Variants in RAPGEF1 observed in about 807,000 individuals in gnomAD.
RAPGEF1 encodes CRK SH3-binding GNRP.
In RAPGEF1, 33 loss-of-function variants were observed where a neutral mutation model predicts 143.3. The ratio of observed to expected loss-of-function variants is 0.23; its 90% CI spans 0.17 to 0.31. The LOEUF (loss-of-function observed/expected upper bound fraction) is 0.31, where lower values mean the gene tolerates loss of function less well. Among genes scored for constraint, RAPGEF1 ranks in the 10% least tolerant of loss-of-function variants. The pLI is 1.00. For synonymous variants in RAPGEF1, 629 were observed against 676.5 expected, an observed-to-expected ratio of 0.93 and a Z score of 1.09; for missense variants, 1,199 against 1,645.4, an observed-to-expected ratio of 0.73 and a Z score of 4.69.
intron 15 of RAPGEF1, 190 bp from the exon 16 acceptor site, chr9:131,598,500 G>A (rs1396007182): frequency 1.1e-5 from 8 of 696,174 alleles, no homozygotes; most frequent in Non-Finnish European, 1.8e-5. Flanking sequence ...TAGGACAGTC[G>A]CTGCTGCCTC....
chr9:131,586,299 C>T (rs1410837329), intron 22 of RAPGEF1, among the ~76,000 whole-genome samples: 13 of 137,988 alleles, frequency 9.4e-5, no homozygotes, highest in African/African-American at 3.4e-4. Context: ...CAGAGCCAGA[C>T]TCCGTCTCAA....
chr9:131,644,714 C>T (rs1969063211), intron 3 of RAPGEF1, among the ~76,000 whole-genome samples: 2 of 152,226 alleles, frequency 1.3e-5, no homozygotes, highest in Non-Finnish European at 2.9e-5. Flanking sequence ...CCTATAATCC[C>T]AGCACTTTGG....
chr9:131,706,349 G>A (rs903277302), intron 1 of RAPGEF1, among the ~76,000 whole-genome samples: 1 of 151,854 alleles, frequency 6.6e-6, no homozygotes, highest in Non-Finnish European at 1.5e-5. Context: ...TGCAACCTCC[G>A]CCTCCTAGGT....
At chr9:131,687,935 C>T (rs1833487706) in intron 1 of RAPGEF1, among the ~76,000 whole-genome samples, 1 of 152,110 alleles carries the variant, frequency 6.6e-6, no homozygotes, top group African/African-American at 2.4e-5. Flanking sequence ...AGTGTGTTAC[C>T]CACGTGAAGA....
intron 25 of RAPGEF1, among the ~76,000 whole-genome samples, chr9:131,582,258 A>G (rs962714073): frequency 8.5e-5 from 13 of 152,142 alleles, no homozygotes; most frequent in Admixed American, 6.6e-5. Flanking sequence ...GTGTGGGGAG[A>G]GGAGCCATAC....
chr9:131,701,856 T>G (rs1243889486), intron 1 of RAPGEF1, among the ~76,000 whole-genome samples: 1 of 152,232 alleles, frequency 6.6e-6, no homozygotes, highest in East Asian at 1.9e-4. Flanking sequence ...AGATTTTTAC[T>G]CTTCTCTTCT....
rs1430758682 is a variant in RAPGEF1 at position 131,602,146 on chromosome 9, G to T, written c.2416C>A (p.Pro806Thr). 1 of 1,583,776 alleles carries T rather than the reference G, an allele frequency of 6.3e-7. No individual in the cohort carries two copies. Among genetic ancestry groups the T allele is most frequent in the Admixed American group, 1.8e-5 (1 of 55,200 alleles). The change falls in exon 15 of 27, where the codon CCA (proline) becomes ACA (threonine). Residue 806 changes from proline (P) to threonine (T), a missense_variant. Transcript: ENST00000683357. ...SEELAPSRGE[P>T]PAGKDGHPRD... ...GGATGTCCGTCTTTCCCAGCCGGTG[G>T]CTCCTGGAAAGAGGAGTGGGTGCTG...
At position 131,583,194 on chromosome 9, in the gene RAPGEF1, G is replaced by T. The variant is rs1461464781; in HGVS notation, c.3415-492C>A. On this transcript the variant is annotated intron_variant, in intron 24 of 26. Coordinates refer to ENST00000683357, the MANE Select transcript of RAPGEF1 (RefSeq NM_001377935.1). This position sits in a 1 kb window ranked among gnomAD's most constrained non-coding sequence, Gnocchi z 4.7. Reference sequence around the variant, plus strand: ...TGGGTGGCTTCTCTCCTGCAGGGGTGGGGGGCTCCCACCTAGGAGACTCAG... The same window carrying T: ...TGGGTGGCTTCTCTCCTGCAGGGGTTGGGGGCTCCCACCTAGGAGACTCAG... Among the ~76,000 whole-genome samples the T allele has an allele frequency of 3.3e-5, 5 of 152,098 alleles. No individual in the cohort carries two copies. The highest frequency in any genetic ancestry group is 6.5e-5 in the Admixed American group (1 of 15,274).
intron 1 of RAPGEF1, among the ~76,000 whole-genome samples, chr9:131,653,965 G>T (rs976084962): frequency 6.6e-6 from 1 of 152,172 alleles, no homozygotes; most frequent in African/African-American, 2.4e-5. Flanking sequence ...AATTAAGTAC[G>T]GATCAGCTAC....
intron 4 of RAPGEF1, among the ~76,000 whole-genome samples, chr9:131,639,250 C>G (rs1023158353): frequency 6.6e-6 from 1 of 152,134 alleles, no homozygotes; most frequent in Non-Finnish European, 1.5e-5. Flanking sequence ...TTTTAACAGT[C>G]ATGAGCTCAA....
intron 1 of RAPGEF1, among the ~76,000 whole-genome samples, chr9:131,660,022 G>T (rs1236303644): frequency 2.6e-5 from 4 of 152,090 alleles, no homozygotes; most frequent in Non-Finnish European, 5.9e-5. Flanking sequence ...GTTTCACCGT[G>T]TTAGCCAGGA....
At chr9:131,635,058 AG>A (rs1966002624) in intron 5 of RAPGEF1, among the ~76,000 whole-genome samples, 1 of 152,144 alleles carries the variant, frequency 6.6e-6, no homozygotes, top group Non-Finnish European at 1.5e-5. Flanking sequence ...ATGAGGGGAC[AG>A]GGGTCTATCT....
At chr9:131,739,223 G>C (rs943733496) in intron 1 of RAPGEF1, among the ~76,000 whole-genome samples, 1 of 152,194 alleles carries the variant, frequency 6.6e-6, no homozygotes, top group Non-Finnish European at 1.5e-5. Flanking sequence ...TGCCCTCCTT[G>C]CAGAGCTGAG....
intron 1 of RAPGEF1, among the ~76,000 whole-genome samples, chr9:131,664,788 T>A (rs576959324): frequency 1.3e-5 from 2 of 152,374 alleles, no homozygotes; most frequent in South Asian, 2.1e-4. Context: ...GTGGGTTATA[T>A]TATCATTTAA....
intron 25 of RAPGEF1, among the ~76,000 whole-genome samples, 181 bp from the exon 26 acceptor site, chr9:131,580,572 G>A (rs1564438954): frequency 6.6e-6 from 1 of 152,330 alleles, no homozygotes; most frequent in Non-Finnish European, 1.5e-5. Flanking sequence ...CTGGCCTCTG[G>A]CTCCACAAGC....
intron 1 of RAPGEF1, among the ~76,000 whole-genome samples, chr9:131,708,322 T>C (rs114156468): frequency 9.3e-4 from 141 of 152,358 alleles, no homozygotes; most frequent in African/African-American, 3.3e-3. Context: ...GTCTCGCATA[T>C]GTCATCTCTG....
intron 1 of RAPGEF1, among the ~76,000 whole-genome samples, chr9:131,711,450 T>G (rs939168726): frequency 6.6e-6 from 1 of 151,896 alleles, no homozygotes; most frequent in African/African-American, 2.4e-5. Context: ...CTCTGCTTCC[T>G]AAGCTCAAGT....
intron 12 of RAPGEF1, among the ~76,000 whole-genome samples, chr9:131,605,982 G>C (rs1487345633): frequency 3.3e-5 from 5 of 152,276 alleles, no homozygotes; most frequent in Middle Eastern, 6.8e-3. Flanking sequence ...GCTGAGATGG[G>C]AGGATCACTT....
chr9:131,604,021 A>C lies in RAPGEF1; in HGVS notation c.2352T>G (p.Gly784=). Residue 784 remains glycine (G), a synonymous_variant, in exon 14 of 27, where the codon GGT becomes GGG. Coordinates refer to ENST00000683357, the MANE Select transcript of RAPGEF1 (RefSeq NM_001377935.1). ...CAGAGGAATACAGATTGACATATTC[A>C]CCCTCACCAGCTTCCTCACTGGCGT... ...SENASEEAGE[G]EYVNLYSSGQ... 1 of 1,339,514 alleles carries C rather than the reference A, an allele frequency of 7.5e-7. No individual in the cohort carries two copies. Among genetic ancestry groups the C allele is most frequent in the Non-Finnish European group, 9.9e-7 (1 of 1,006,858 alleles). 83.0% of individuals were successfully genotyped at this position (1,339,514 alleles called of 1,614,324 possible).
Sources: allele counts gnomAD v4.1 joint callset (sites outside exome capture counted in the v4.1 genomes callset), GRCh38; gene constraint gnomAD v4.1.1; non-coding constraint Gnocchi (gnomAD v3.1); transcripts MANE v1.5; gene names NCBI Gene and HGNC (gene_info 2026-07-23, HGNC 2026-07-21).